The following AKAP6 variants were observed in gnomAD, a reference collection of about 807,000 sequenced individuals.
AKAP6 encodes A-kinase anchoring protein 6.
A neutral mutation model predicts 188.5 loss-of-function variants in AKAP6; 58 were observed. The ratio of observed to expected loss-of-function variants is 0.31; its 90% CI spans 0.25 to 0.38. AKAP6 has a LOEUF of 0.38. AKAP6 is among the 10% of genes least tolerant of loss of function. The pLI is 1.00. For missense variants in AKAP6, 2,710 were observed against 2,740.0 expected (o/e 0.99, Z 0.24); for synonymous variants, 989 against 998.6 (o/e 0.99, Z 0.18).
At chr14:32,551,519 T>C (rs1883461477) in intron 4 of AKAP6, among the ~76,000 whole-genome samples, 2 of 148,744 alleles carry the variant, frequency 1.3e-5, no homozygotes, top group South Asian at 4.3e-4. Flanking sequence ...TTCAGTGAGC[T>C]TGGGAGCGTG....
intron 8 of AKAP6, among the ~76,000 whole-genome samples, chr14:32,692,062 T>A (rs1890203342): frequency 6.6e-6 from 1 of 152,200 alleles, no homozygotes; most frequent in Admixed American, 6.5e-5. Context: ...TGAAACAAAA[T>A]GTGGTACCAA....
intron 2 of AKAP6, among the ~76,000 whole-genome samples, chr14:32,437,582 C>G (rs1890425279): frequency 6.6e-6 from 1 of 151,992 alleles, no homozygotes; most frequent in African/African-American, 2.4e-5. Context: ...TCTAGTCCAT[C>G]ACCTAGCTTT....
intron 12 of AKAP6, among the ~76,000 whole-genome samples, chr14:32,796,070 A>C (rs2033759576): frequency 6.6e-6 from 1 of 152,184 alleles, no homozygotes; most frequent in Non-Finnish European, 1.5e-5. Context: ...GAATATAGCT[A>C]ACAAGGGAAG....
chr14:32,412,588 A>G (rs907620382), intron 1 of AKAP6, among the ~76,000 whole-genome samples: 1 of 152,194 alleles, frequency 6.6e-6, no homozygotes, highest in African/African-American at 2.4e-5. Flanking sequence ...AAGGGACTCT[A>G]TTTTATCAGA....
intron 11 of AKAP6, among the ~76,000 whole-genome samples, chr14:32,745,129 G>A (rs1040705375): frequency 1.2e-4 from 19 of 152,058 alleles, no homozygotes; most frequent in African/African-American, 4.6e-4. Flanking sequence ...ATTTGGTGAG[G>A]TCATGTTTTC....
At chr14:32,570,486 C>A (rs1413796473) in intron 4 of AKAP6, among the ~76,000 whole-genome samples, 1 of 151,952 alleles carries the variant, frequency 6.6e-6, no homozygotes, top group Non-Finnish European at 1.5e-5. Context: ...GCACCTAGTA[C>A]AGTGCTGTAG....
intron 12 of AKAP6, among the ~76,000 whole-genome samples, chr14:32,804,079 A>C (rs1251623443): frequency 1.3e-5 from 2 of 152,228 alleles, no homozygotes; most frequent in Admixed American, 6.5e-5. Context: ...TAAATGAGTT[A>C]ATACCTATAA....
intron 4 of AKAP6, among the ~76,000 whole-genome samples, chr14:32,574,468 C>T (rs533964376): frequency 2.0e-5 from 3 of 152,270 alleles, no homozygotes; most frequent in Admixed American, 2.0e-4. Context: ...GGAAACCTGA[C>T]ACATTGTTTA....
intron 7 of AKAP6, among the ~76,000 whole-genome samples, chr14:32,649,226 G>A (rs566764117): frequency 6.6e-6 from 1 of 152,080 alleles, no homozygotes; most frequent in Admixed American, 6.5e-5. Context: ...ACCGTTAGTG[G>A]AATAAATCCA....
intron 7 of AKAP6, among the ~76,000 whole-genome samples, chr14:32,629,565 G>A (rs1297532459): frequency 1.3e-5 from 2 of 151,538 alleles, no homozygotes; most frequent in Non-Finnish European, 2.9e-5. Context: ...ATGCTCAGCT[G>A]TAAGTGGGTC....
At chr14:32,643,664 T>C (rs17515243) in intron 7 of AKAP6, among the ~76,000 whole-genome samples, 27,338 of 152,176 alleles carry the variant, frequency 0.18, 2,797 homozygotes, top group Admixed American at 0.27. Flanking sequence ...CCCTCCTGAT[T>C]TATGAGCATG....
chr14:32,513,567 A>G (rs1671839407), intron 2 of AKAP6, among the ~76,000 whole-genome samples: 1 of 152,168 alleles, frequency 6.6e-6, no homozygotes, highest in Non-Finnish European at 1.5e-5. Context: ...GCCTGCTTTG[A>G]TATTATACTT....
chr14:32,445,518 A>G (rs1890726399), intron 2 of AKAP6, among the ~76,000 whole-genome samples: 1 of 152,046 alleles, frequency 6.6e-6, no homozygotes, highest in Non-Finnish European at 1.5e-5. Flanking sequence ...GACTACAGGC[A>G]TGTGACACCA....
At chr14:32,635,991 T>G (rs959845949) in intron 7 of AKAP6, among the ~76,000 whole-genome samples, 1 of 152,104 alleles carries the variant, frequency 6.6e-6, no homozygotes, top group African/African-American at 2.4e-5. Flanking sequence ...AGCTTACTGA[T>G]TTACATGCAA....
chr14:32,622,755 G>T (rs1403782477), intron 7 of AKAP6, among the ~76,000 whole-genome samples: 1 of 152,130 alleles, frequency 6.6e-6, no homozygotes, highest in Non-Finnish European at 1.5e-5. Context: ...GTGGCCACGA[G>T]CTGGGCTACA....
chr14:32,454,861 C>T (rs183941947), intron 2 of AKAP6, among the ~76,000 whole-genome samples: 4 of 29,396 alleles, frequency 1.4e-4, no homozygotes, highest in Non-Finnish European at 1.6e-4. Flanking sequence ...CCTTCCCTCC[C>T]TCCCTCCCTC....
intron 9 of AKAP6, among the ~76,000 whole-genome samples, chr14:32,704,556 T>G (rs1890737134): frequency 6.6e-6 from 1 of 152,208 alleles, no homozygotes. Flanking sequence ...ATGTCCTGTT[T>G]TTAAATTACT....
intron 1 of AKAP6, among the ~76,000 whole-genome samples, chr14:32,414,292 T>A (rs1243669186): frequency 1.3e-5 from 2 of 152,130 alleles, no homozygotes. Flanking sequence ...CTGGTTCTGT[T>A]AATAAAGAAA....
intron 1 of AKAP6, among the ~76,000 whole-genome samples, chr14:32,369,062 C>T (rs574579869): frequency 9.9e-5 from 15 of 152,136 alleles, no homozygotes; most frequent in African/African-American, 3.6e-4. Context: ...TCTGGGACAA[C>T]AGGCATAAAC....
Sources: allele counts gnomAD v4.1 joint callset (sites outside exome capture counted in the v4.1 genomes callset), GRCh38; gene constraint gnomAD v4.1.1; transcripts MANE v1.5; gene names NCBI Gene and HGNC (gene_info 2026-07-23, HGNC 2026-07-21).